Variants in CDIN1 observed in about 807,000 individuals in gnomAD.
CDIN1 encodes the protein CDAN1-interacting nuclease 1.
Under a neutral mutation model 45.3 loss-of-function variants are expected in CDIN1, and 33 were observed. The observed-to-expected ratio is 0.73, with a 90% CI of 0.55 to 0.97. The LOEUF is 0.97. Among genes scored for constraint, CDIN1 ranks in the 50% least tolerant of loss-of-function variants. The pLI is 0.00. For synonymous variants in CDIN1, 118 were observed against 124.4 expected (o/e 0.95, Z 0.34); for missense variants, 303 against 339.4 (o/e 0.89, Z 0.84).
At chr15:36,655,586 A>G (rs1031594740) in intron 4 of CDIN1, among the ~76,000 whole-genome samples, 1 of 152,148 alleles carries the variant, frequency 6.6e-6, no homozygotes, top group Admixed American at 6.5e-5. Context: ...TGGCCTCCCA[A>G]AGTGCTTGGA....
At chr15:36,643,848 G>A (rs936634053) in intron 1 of CDIN1, among the ~76,000 whole-genome samples, 3 of 152,164 alleles carry the variant, frequency 2.0e-5, no homozygotes, top group Non-Finnish European at 2.9e-5. Context: ...ACCTGTAGAG[G>A]AGAATACCTG....
At chr15:36,612,788 C>T (rs970882104) in intron 1 of CDIN1, among the ~76,000 whole-genome samples, 13 of 152,238 alleles carry the variant, frequency 8.5e-5, no homozygotes, top group Admixed American at 8.5e-4. Flanking sequence ...GGTTAGGGAG[C>T]GGTTACTGAT....
intron 1 of CDIN1, among the ~76,000 whole-genome samples, chr15:36,629,911 C>T (rs907617971): frequency 5.3e-5 from 8 of 152,126 alleles, no homozygotes; most frequent in African/African-American, 1.9e-4. Flanking sequence ...TATGTGCATA[C>T]ATATATATGT....
At chr15:36,743,912 A>AC (rs2044326086) in intron 10 of CDIN1, among the ~76,000 whole-genome samples, 1 of 151,780 alleles carries the variant, frequency 6.6e-6, no homozygotes, top group Non-Finnish European at 1.5e-5. Context: ...CCAAAAAAAA[A>AC]CACGAGGCTG....
At chr15:36,701,943 A>G (rs2042660919) in intron 8 of CDIN1, 1 of 644,152 alleles carries the variant, frequency 1.6e-6, no homozygotes. Flanking sequence ...CTGCTGCTTT[A>G]TTCCTCACCT....
rs947570823 is a variant in CDIN1 at position 36,579,800 on chromosome 15, G to A, written c.-61G>A. ...CTACCCCTCATCCCTCGGCACCAAGGCTACTTGAGCCCCAGGGTGTTTTTT... is the reference window on the plus strand; with the variant it reads ...CTACCCCTCATCCCTCGGCACCAAGACTACTTGAGCCCCAGGGTGTTTTTT... On this transcript the variant is annotated 5_prime_UTR_variant, in exon 1 of 11. Coordinates refer to ENST00000566621, the MANE Select transcript of CDIN1 (RefSeq NM_001321759.2). 9.6e-5 allele frequency: 133 copies of A among 1,391,918 alleles called. 1 individual carries two copies. The African/African-American group carries it at 1.6e-3, about 17-fold the overall frequency. 86.2% of individuals were successfully genotyped at this position (1,391,918 alleles called of 1,614,324 possible).
Position 36,617,895 on chromosome 15 carries a change from G to A in CDIN1, c.102-26383G>A, listed in dbSNP as rs890079998. The A allele has an allele frequency of 1.3e-5, 10 of 769,792 alleles. No individual in the cohort carries two copies. In the African/African-American group the frequency reaches 1.7e-4, roughly 13 times the overall value. The allele number at this position is 769,792 out of a possible 1,614,324, so 47.7% of individuals were successfully genotyped here. ...TTTCAGGGCAAGCCAATTATGGCAA[G>A]GATAAAAGCCATCAATACATTTTTT... On this transcript the variant is annotated intron_variant, in intron 1 of 10. Transcript: ENST00000566621.
chr15:36,657,790 G>C (rs566962772), intron 4 of CDIN1, 43 bp from the exon 5 acceptor site: 3 of 1,509,260 alleles, frequency 2.0e-6, no homozygotes. Flanking sequence ...TCCACTGCTC[G>C]CACAACTTGA....
chr15:36,746,173 G>A (rs2044422745), intron 10 of CDIN1, among the ~76,000 whole-genome samples: 1 of 152,148 alleles, frequency 6.6e-6, no homozygotes. Flanking sequence ...TTGATATGTG[G>A]CAGTATTATT....
chr15:36,645,183 T>G, intron 2 of CDIN1, 40 bp from the exon 3 acceptor site: 1 of 1,468,074 alleles, frequency 6.8e-7, no homozygotes, highest in Non-Finnish European at 9.3e-7. Context: ...ATCTGTGACA[T>G]ATCAAAGATT....
intron 10 of CDIN1, among the ~76,000 whole-genome samples, chr15:36,758,875 G>A (rs991704325): frequency 3.9e-5 from 6 of 152,072 alleles, no homozygotes; most frequent in Non-Finnish European, 8.8e-5. Flanking sequence ...CACAAATATT[G>A]TTAAACCTAA....
chr15:36,691,295 A>G (rs1281394367), intron 5 of CDIN1: 6 of 409,306 alleles, frequency 1.5e-5, no homozygotes, highest in South Asian at 1.1e-4. Flanking sequence ...TTCAGATCTG[A>G]CCTGTCTTCA....
intron 10 of CDIN1, among the ~76,000 whole-genome samples, chr15:36,791,045 T>C (rs1287439826): frequency 6.6e-6 from 1 of 152,192 alleles, no homozygotes; most frequent in African/African-American, 2.4e-5. Context: ...GTTCTCCTCT[T>C]TGTGTCCTTG....
chr15:36,737,427 T>C (rs1333088825), intron 10 of CDIN1, among the ~76,000 whole-genome samples: 1 of 152,180 alleles, frequency 6.6e-6, no homozygotes, highest in Non-Finnish European at 1.5e-5. Context: ...TAATGTGACA[T>C]GATAAAGAAC....
chr15:36,592,073 A>G (rs1281695932), intron 1 of CDIN1, among the ~76,000 whole-genome samples: 1 of 124,464 alleles, frequency 8.0e-6, no homozygotes, highest in Non-Finnish European at 1.7e-5. Context: ...GCAGCTCTAG[A>G]TCTGATTTTT....
chr15:36,635,197 A>G (rs1389632685), intron 1 of CDIN1, among the ~76,000 whole-genome samples: 1 of 152,200 alleles, frequency 6.6e-6, no homozygotes, highest in African/African-American at 2.4e-5. Flanking sequence ...TCTGATTGGC[A>G]CCAAAAATTA....
At chr15:36,715,926 A>G (rs749839471) in intron 10 of CDIN1, among the ~76,000 whole-genome samples, 2 of 152,172 alleles carry the variant, frequency 1.3e-5, no homozygotes, top group Non-Finnish European at 2.9e-5. Context: ...AGCATGTTGA[A>G]TGTGAATAAC....
chr15:36,613,369 A>T (rs1217573323), intron 1 of CDIN1: 44 of 798,832 alleles, frequency 5.5e-5, no homozygotes, highest in Non-Finnish European at 7.6e-5. Context: ...TGTAAAGATA[A>T]AAAAAGGATT....
intron 1 of CDIN1, among the ~76,000 whole-genome samples, chr15:36,606,006 C>G (rs554707310): frequency 6.6e-6 from 1 of 151,944 alleles, no homozygotes; most frequent in African/African-American, 2.4e-5. Flanking sequence ...GCTTCATTAG[C>G]GTGCTTGAGG....
Sources: gnomAD v4.1 joint callset for allele counts (sites outside exome capture counted in the v4.1 genomes callset) on GRCh38, gnomAD v4.1.1 for gene constraint, MANE v1.5 for transcripts, NCBI Gene and HGNC (gene_info 2026-07-23, HGNC 2026-07-21) for gene names.